GBF1: variants seen among roughly 807,000 people sequenced by gnomAD.
GBF1 encodes golgi brefeldin A resistant guanine nucleotide exchange factor 1.
A neutral mutation model predicts 210.5 loss-of-function variants in GBF1; 114 were observed. The observed-to-expected ratio is 0.54, with a 90% CI of 0.47 to 0.63. The LOEUF (loss-of-function observed/expected upper bound fraction) is 0.63. Among genes scored for constraint, GBF1 ranks in the 30% least tolerant of loss-of-function variants. GBF1 has a pLI of 0.00. For synonymous variants in GBF1, 850 were observed against 889.2 expected (o/e 0.96, Z 0.78); for missense variants, 1,851 against 2,357.7 (o/e 0.79, Z 4.45).
At chr10:102,359,505 C>T (rs2059472715) in intron 11 of GBF1, 70 bp downstream of exon 11, 4 of 1,144,156 alleles carry the variant, frequency 3.5e-6, no homozygotes, top group South Asian at 2.5e-5. Context: ...GAGCCTAGAC[C>T]GTCTTAAACC....
chr10:102,264,358 A>T (rs577360786), intron 3 of GBF1, among the ~76,000 whole-genome samples: 75 of 152,330 alleles, frequency 4.9e-4, no homozygotes, highest in African/African-American at 1.6e-3. Context: ...CATTAACTCA[A>T]GGAAGCACAT....
intron 29 of GBF1, among the ~76,000 whole-genome samples, chr10:102,374,571 C>A (rs1270813864): frequency 2.6e-5 from 4 of 151,844 alleles, no homozygotes; most frequent in Admixed American, 6.6e-5. Context: ...GGTGACAGAG[C>A]AAAACCTGTC....
chr10:102,258,264 C>T (rs1442539584), intron 1 of GBF1, among the ~76,000 whole-genome samples: 1 of 150,464 alleles, frequency 6.6e-6, no homozygotes, highest in African/African-American at 2.4e-5. Flanking sequence ...AAGCAATTCT[C>T]CCATCTCAGC....
At chr10:102,309,387 T>A (rs559849429) in intron 3 of GBF1, among the ~76,000 whole-genome samples, 1 of 152,226 alleles carries the variant, frequency 6.6e-6, no homozygotes, top group Admixed American at 6.5e-5. Context: ...TCTAATAAGA[T>A]GGCCTTTGGG....
At chr10:102,265,959 C>T (rs111596223) in intron 3 of GBF1, among the ~76,000 whole-genome samples, 3,568 of 152,104 alleles carry the variant, frequency 0.023, 66 homozygotes, top group Non-Finnish European at 0.035. Flanking sequence ...GGTGGAGGGC[C>T]GGGTGCGGTG....
At chr10:102,295,372 A>G (rs971335345) in intron 3 of GBF1, among the ~76,000 whole-genome samples, 3 of 152,224 alleles carry the variant, frequency 2.0e-5, no homozygotes, top group Admixed American at 1.3e-4. Context: ...GTTGCAATAT[A>G]TGGACCTTGT....
In GBF1 at chr10:102,362,363, C is replaced by T. The variant is rs747279882; in HGVS notation, c.1687-112C>T. 174 of 779,608 alleles carry T rather than the reference C, an allele frequency of 2.2e-4. 1 individual carries two copies. The highest frequency in any genetic ancestry group is 3.3e-4 in the Non-Finnish European group (154 of 470,192). The allele number at this position is 779,608 out of a possible 1,614,324, so 48.3% of individuals were successfully genotyped here. A position where few individuals can be genotyped will look rare whatever the true frequency, so the allele number is the denominator to read the frequency against. On this transcript the variant is annotated intron_variant, in intron 14 of 39. Coordinates refer to ENST00000369983, the MANE Select transcript of GBF1 (RefSeq NM_001377137.1). Reference sequence around the variant, plus strand: ...GAGCCACCACGCCCGGCCAGAAAGACGTTTTCTAAGGGCAATGTACAAGTT... The same window carrying T: ...GAGCCACCACGCCCGGCCAGAAAGATGTTTTCTAAGGGCAATGTACAAGTT...
chr10:102,266,417 A>AT (rs1174077959), intron 3 of GBF1, among the ~76,000 whole-genome samples: 8 of 152,026 alleles, frequency 5.3e-5, no homozygotes, highest in Non-Finnish European at 1.0e-4. Context: ...TGTGCCAGGC[A>AT]TTTTTCTTAG....
chr10:102,246,188 C>A (rs1458451083), intron 1 of GBF1, among the ~76,000 whole-genome samples: 3 of 152,264 alleles, frequency 2.0e-5, no homozygotes, highest in African/African-American at 7.2e-5. Context: ...TCTCTAGATT[C>A]TGTACAGCGT....
At chr10:102,297,745 A>G (rs1293614297) in intron 3 of GBF1, among the ~76,000 whole-genome samples, 1 of 152,200 alleles carries the variant, frequency 6.6e-6, no homozygotes, top group Non-Finnish European at 1.5e-5. Context: ...ACCCCTTTGA[A>G]GTATACTCTG....
At chr10:102,354,963 A>T (rs1306198738) in intron 8 of GBF1, among the ~76,000 whole-genome samples, 1 of 144,668 alleles carries the variant, frequency 6.9e-6, no homozygotes, top group Non-Finnish European at 1.5e-5. Context: ...CATTCCAAGG[A>T]TTAGAACTCT....
intron 3 of GBF1, among the ~76,000 whole-genome samples, chr10:102,325,243 A>G (rs2056788117): frequency 6.6e-6 from 1 of 152,186 alleles, no homozygotes; most frequent in South Asian, 2.1e-4. Context: ...CTAAAGGACA[A>G]GTCTCTATAC....
chr10:102,362,049 T>C (rs2059635791), intron 14 of GBF1, 137 bp downstream of exon 14: 1 of 357,274 alleles, frequency 2.8e-6, no homozygotes, highest in African/African-American at 2.3e-5. Context: ...TCTTTTCTTT[T>C]CTTTTTTTTT....
intron 29 of GBF1, among the ~76,000 whole-genome samples, chr10:102,372,443 A>T (rs2060265526): frequency 6.6e-6 from 1 of 152,170 alleles, no homozygotes; most frequent in African/African-American, 2.4e-5. Flanking sequence ...TGAACCTGGG[A>T]GGCAGAGGTT....
intron 3 of GBF1, among the ~76,000 whole-genome samples, chr10:102,314,602 G>C (rs895685212): frequency 6.6e-6 from 1 of 152,116 alleles, no homozygotes; most frequent in African/African-American, 2.4e-5. Flanking sequence ...TGATCTCACT[G>C]TTCTATTACT....
intron 3 of GBF1, among the ~76,000 whole-genome samples, chr10:102,265,685 A>G (rs1000373620): frequency 2.1e-4 from 32 of 151,736 alleles, no homozygotes; most frequent in Non-Finnish European, 4.0e-4. Context: ...GACCCTTTCA[A>G]TGAATGAATG....
chr10:102,369,456 A>G (rs2135200702), intron 24 of GBF1, 69 bp downstream of exon 24: 2 of 1,268,084 alleles, frequency 1.6e-6, no homozygotes, highest in African/African-American at 1.5e-5. Context: ...CTACCTGTAC[A>G]TAGAAGTAAG....
intron 3 of GBF1, among the ~76,000 whole-genome samples, chr10:102,287,868 G>A (rs888345782): frequency 9.9e-5 from 15 of 152,198 alleles, no homozygotes; most frequent in African/African-American, 3.6e-4. Flanking sequence ...ATCACTGGGA[G>A]TCATCTTGGA....
At chr10:102,367,659 A>G (rs1242714828) in intron 21 of GBF1, 99 bp downstream of exon 21, 7 of 778,756 alleles carry the variant, frequency 9.0e-6, no homozygotes, top group African/African-American at 1.7e-5. Flanking sequence ...AGTGACTCAC[A>G]TGCCCTGGAT....
Sources: gnomAD v4.1 joint callset for allele counts (sites outside exome capture counted in the v4.1 genomes callset) on GRCh38, gnomAD v4.1.1 for gene constraint, MANE v1.5 for transcripts, NCBI Gene and HGNC (gene_info 2026-07-23, HGNC 2026-07-21) for gene names.